The following ERMAP variants were observed in gnomAD, a reference collection of about 807,000 sequenced individuals.
ERMAP encodes erythroblast membrane associated protein (Scianna blood group).
A neutral mutation model predicts 49.5 loss-of-function variants in ERMAP; 34 were observed. That is an observed-to-expected ratio of 0.69 (90% CI 0.52 to 0.91). The LOEUF (loss-of-function observed/expected upper bound fraction) is 0.91, where lower values mean the gene tolerates loss of function less well. Ranked by LOEUF, ERMAP falls within the 40% of genes least tolerant of loss-of-function variation. The probability of loss-of-function intolerance (pLI) is 0.00; values close to 1 mark genes in which losing one functional copy is unlikely to be tolerated. For missense variants in ERMAP, 541 were observed against 582.6 expected, an observed-to-expected ratio of 0.93 and a Z score of 0.74; for synonymous variants, 214 against 232.2, an observed-to-expected ratio of 0.92 and a Z score of 0.71.
At chr1:42,837,719 C>T (rs1045215804) in intron 7 of ERMAP, 1 of 152,212 alleles carries the variant, frequency 6.6e-6, no homozygotes, top group African/African-American at 2.4e-5. Flanking sequence ...AAATCTGTCA[C>T]AGTGCCTGGA....
rs1655159389 is a variant in ERMAP, at chr1:42,844,544, C to A, written c.*1312C>A. ...GGAGGCGGTTAAATCCCAAGATCTG[C>A]AGGATAAGTCAGCAAGATGGAGTCC... On this transcript the variant is annotated 3_prime_UTR_variant, in exon 12 of 12. Transcript: ENST00000372517. The surrounding 1 kb of genome is among the most constrained non-coding windows in gnomAD (Gnocchi z 4.0). 6.5e-6 allele frequency: 1 copy of A among 154,638 alleles called. No individual in the cohort carries two copies. The highest frequency in any genetic ancestry group is 1.4e-5 in the Non-Finnish European group (1 of 69,790). 9.6% of individuals were successfully genotyped at this position (154,638 alleles called of 1,614,324 possible). A position where few individuals can be genotyped will look rare whatever the true frequency, so the allele number is the denominator to read the frequency against.
At chr1:42,828,084 A>G (rs1163656967) in intron 2 of ERMAP, among the ~76,000 whole-genome samples, 1 of 151,760 alleles carries the variant, frequency 6.6e-6, no homozygotes, top group Non-Finnish European at 1.5e-5. Context: ...GTTGACTACT[A>G]TAATATTGAT....
In ERMAP at chr1:42,837,187, A is replaced by C. The variant is rs145158442; in HGVS notation, c.613A>C (p.Lys205Gln). Residue 205 changes from lysine to glutamine, a missense_variant, in exon 7 of 12, where the codon AAA (lysine) becomes CAA (glutamine). Physicochemically the swap from Lys to Gln is moderately conservative, Grantham distance 53. Transcript: ENST00000372517. ...DNLLSDHAKE[K>Q]GKLHKAVKKL... is the part of the protein sequence containing the mutation. Reference sequence around the variant, plus strand: ...TCTTCTTTCAGACCATGCTAAAGAAAAAGGTAATGATATAAAAGAGTAAGG... The same window carrying C: ...TCTTCTTTCAGACCATGCTAAAGAACAAGGTAATGATATAAAAGAGTAAGG... 2 of 1,613,732 alleles carry C rather than the reference A, an allele frequency of 1.2e-6. No individual in the cohort carries two copies. The highest frequency in any genetic ancestry group is 2.7e-5 in the African/African-American group (2 of 74,942).
chr1:42,817,200 C>A lies in ERMAP; in HGVS notation c.-175C>A. The A allele has an allele frequency of 8.0e-7, 1 of 1,255,174 alleles. No individual in the cohort carries two copies. Among genetic ancestry groups the A allele is most frequent in the South Asian group, 1.3e-5 (1 of 77,198 alleles). 77.8% of individuals were successfully genotyped at this position (1,255,174 alleles called of 1,614,324 possible). Reference sequence around the variant, plus strand: ...CTTGGGAGTCTGTACCTTTCCCGACCGGGCCACTGGAAGTTGGAGCCTCCG... The same window carrying A: ...CTTGGGAGTCTGTACCTTTCCCGACAGGGCCACTGGAAGTTGGAGCCTCCG... On this transcript the variant is annotated 5_prime_UTR_variant, in exon 1 of 12. Coordinates refer to ENST00000372517, the MANE Select transcript of ERMAP (RefSeq NM_001017922.2).
chr1:42,827,137 A>C (rs1047185460), intron 2 of ERMAP, among the ~76,000 whole-genome samples: 5 of 152,186 alleles, frequency 3.3e-5, no homozygotes, highest in African/African-American at 1.2e-4. Context: ...CACTTGGTGA[A>C]AATATCAGGT....
At chr1:42,834,956 G>A (rs913735109) in intron 4 of ERMAP, 82 bp from the exon 5 acceptor site, 16 of 757,982 alleles carry the variant, frequency 2.1e-5, no homozygotes, top group African/African-American at 1.5e-4. Flanking sequence ...GTTGGGATGT[G>A]CTGGAGCCGC....
Position 42,830,802 on chromosome 1 carries a change from C to T in ERMAP, c.120C>T (p.Ala40=), listed in dbSNP as rs763062647. 1 of 1,568,580 alleles carries T rather than the reference C, an allele frequency of 6.4e-7. No individual in the cohort carries two copies. The highest frequency in any genetic ancestry group is 1.2e-5 in the South Asian group (1 of 86,402). The change falls in exon 4 of 12, where the codon GCC becomes GCT. Residue 40 remains alanine (A), a synonymous_variant. Transcript: ENST00000372517. ...GGGATGCCGGCAAGTTCCACGTGGC[C>T]CTACTAGGGGGCACAGCCGAGCTGC... ...HAGDAGKFHV[A]LLGGTAELLC... is the part of the protein sequence containing the mutation.
intron 5 of ERMAP, among the ~76,000 whole-genome samples, 196 bp downstream of exon 5, chr1:42,835,350 GCC>G (rs59816087): frequency 0.6 from 90,949 of 151,796 alleles, 28,454 homozygotes; most frequent in Non-Finnish European, 0.69. Flanking sequence ...CTGCAGAAAG[GCC>G]CCTGGGCAGA....
At chr1:42,837,966 G>C (rs748495831) in intron 7 of ERMAP, 2 of 152,272 alleles carry the variant, frequency 1.3e-5, no homozygotes, top group Non-Finnish European at 2.9e-5. Flanking sequence ...GGAACAGTGT[G>C]GGGTAAGGGA....
intron 6 of ERMAP, chr1:42,836,886 A>G (rs1654915818): frequency 3.3e-6 from 1 of 306,852 alleles, no homozygotes; most frequent in Admixed American, 5.0e-5. Flanking sequence ...ACTGCAATCC[A>G]GCCAGGGTGG....
chr1:42,830,529 G>T lies in ERMAP; in HGVS notation c.81G>T (p.Val27=), dbSNP rs1351959883. Reference sequence around the variant, plus strand: ...TCTTCCTCCGGCTGTCTGTGCATGTGTCAGGTAGGAGTTTCTGATCCTCTT... The same window carrying T: ...TCTTCCTCCGGCTGTCTGTGCATGTTTCAGGTAGGAGTTTCTGATCCTCTT... The part of the protein sequence containing the change: ...PLVFLRLSVH[V]SGHAGDAGKF... Residue 27 remains valine, a synonymous_variant, in exon 3 of 12, where the codon GTG becomes GTT. Transcript: ENST00000372517. 17 of 1,613,808 alleles carry T rather than the reference G, an allele frequency of 1.1e-5. No homozygotes were observed. Among genetic ancestry groups the T allele is most frequent in the Admixed American group, 1.7e-5 (1 of 60,006 alleles).
Position 42,842,913 on chromosome 1 carries a change from C to G in ERMAP, c.1109C>G (p.Ser370Cys). The G allele has an allele frequency of 6.2e-7, 1 of 1,614,208 alleles. No individual in the cohort carries two copies. Among genetic ancestry groups the G allele is most frequent in the South Asian group, 1.1e-5 (1 of 91,078 alleles). ...IFLDYEAGVI[S>C]FYNVTNKSHI... ...CTGGACTATGAAGCAGGAGTCATCT[C>G]TTTCTACAATGTGACCAACAAGTCC... is the stretch of plus-strand genomic sequence containing the variant. Residue 370 changes from serine to cysteine, a missense_variant, in exon 12 of 12, where the codon TCT becomes TGT. Ser to Cys is a moderately radical substitution (Grantham distance 112, BLOSUM62 -1). Coordinates refer to ENST00000372517, the MANE Select transcript of ERMAP (RefSeq NM_001017922.2).
rs574092922 is a variant in ERMAP, at chr1:42,835,621, G to T, written c.551-111G>T. The T allele has an allele frequency of 2.9e-6, 4 of 1,401,512 alleles. No homozygotes were observed. The Admixed American group carries it at 8.9e-5, about 31-fold the overall frequency. 86.8% of individuals were successfully genotyped at this position (1,401,512 alleles called of 1,614,324 possible). On this transcript the variant is annotated intron_variant, in intron 5 of 11. Coordinates refer to ENST00000372517, the MANE Select transcript of ERMAP (RefSeq NM_001017922.2). ...AATCCTTTCAAATGCCCGCTTACCT[G>T]TAGTGACAAGGAGTCAGTCCTACTC...
chr1:42,830,941 G>A lies in ERMAP; in HGVS notation c.259G>A (p.Asp87Asn). 1 of 1,614,232 alleles carries A rather than the reference G, an allele frequency of 6.2e-7. No individual in the cohort carries two copies. The highest frequency in any genetic ancestry group is 8.5e-7 in the Non-Finnish European group (1 of 1,180,032). Residue 87 changes from aspartate to asparagine, a missense_variant, in exon 4 of 12, where the codon GAT becomes AAT. Transcript: ENST00000372517. The part of the protein sequence containing the change: ...VHIFRDGKDQ[D>N]EDLMPEYKGR... ...CATATTCCGGGATGGGAAGGACCAG[G>A]ATGAAGATCTGATGCCGGAATATAA...
intron 2 of ERMAP, among the ~76,000 whole-genome samples, chr1:42,826,685 G>A (rs188546707): frequency 3.3e-5 from 5 of 151,994 alleles, no homozygotes; most frequent in Admixed American, 1.3e-4. Context: ...GTGAAACTCC[G>A]TCTCTACTAA....
At position 42,842,945 on chromosome 1, in the gene ERMAP, T is replaced by C. The variant is rs892147703; in HGVS notation, c.1141T>C (p.Phe381Leu). 5 of 1,614,208 alleles carry C rather than the reference T, an allele frequency of 3.1e-6. No homozygotes were observed. The Admixed American group carries it at 6.7e-5, about 22-fold the overall frequency. The change falls in exon 12 of 12, where the codon TTT (phenylalanine) becomes CTT (leucine). Residue 381 changes from phenylalanine (F) to leucine (L), a missense_variant. Physicochemically the swap from Phe to Leu is conservative, Grantham distance 22. Transcript: ENST00000372517. ...CAATGTGACCAACAAGTCCCACATC[T>C]TTACTTTCACCCACAATTTCTCTGG... The part of the protein sequence containing the change: ...FYNVTNKSHI[F>L]TFTHNFSGPL...
rs769441994 is a variant in ERMAP at position 42,817,263 on chromosome 1, G to C, written c.-122+10G>C. On this transcript the variant is annotated intron_variant, in intron 1 of 11. Coordinates refer to ENST00000372517, the MANE Select transcript of ERMAP (RefSeq NM_001017922.2). The stretch of plus-strand genomic sequence containing the variant: ...CAACGCCTCCGGGAGGGTAATCCTC[G>C]CCTTCCCCCGACCACTGGACCCAGC... The C allele has an allele frequency of 8.0e-7, 1 of 1,245,400 alleles. No individual in the cohort carries two copies. The highest frequency in any genetic ancestry group is 2.6e-5 in the Admixed American group (1 of 38,418). 77.1% of individuals were successfully genotyped at this position (1,245,400 alleles called of 1,614,324 possible). A position where few individuals can be genotyped will look rare whatever the true frequency, so the allele number is the denominator to read the frequency against.
chr1:42,833,731 A>C (rs1209587762), intron 4 of ERMAP, among the ~76,000 whole-genome samples: 1 of 151,560 alleles, frequency 6.6e-6, no homozygotes, highest in Non-Finnish European at 1.5e-5. Flanking sequence ...TTTCTTTTTT[A>C]TTTATAATAA....
At chr1:42,818,886 C>T (rs927298461) in intron 1 of ERMAP, among the ~76,000 whole-genome samples, 4 of 152,082 alleles carry the variant, frequency 2.6e-5, no homozygotes, top group African/African-American at 9.7e-5. Flanking sequence ...TAAAAGTAAC[C>T]AAGTCAGAGT....
Sources: allele counts gnomAD v4.1 joint callset (sites outside exome capture counted in the v4.1 genomes callset), GRCh38; gene constraint gnomAD v4.1.1; non-coding constraint Gnocchi (gnomAD v3.1); transcripts MANE v1.5; gene names NCBI Gene and HGNC (gene_info 2026-07-23, HGNC 2026-07-21).